Variants in ADGRV1 observed in about 807,000 individuals in gnomAD.
ADGRV1 encodes G-protein coupled receptor 98.
A neutral mutation model predicts 596.2 loss-of-function variants in ADGRV1; 359 were observed. The ratio of observed to expected loss-of-function variants is 0.60; its 90% confidence interval spans 0.55 to 0.66. ADGRV1 has a LOEUF of 0.66. ADGRV1 is among the 30% of genes least tolerant of loss of function. The pLI, the probability that ADGRV1 is intolerant of heterozygous loss-of-function variation, is 0.00. For synonymous variants in ADGRV1, 2,681 were observed against 2,679.2 expected, an observed-to-expected ratio of 1.00 and a Z score of -0.02; for missense variants, 7,274 against 7,575.6, an observed-to-expected ratio of 0.96 and a Z score of 1.48.
chr5:90,706,177 A>G (rs950801832), intron 37 of ADGRV1, 54 bp from the exon 38 acceptor site: 61 of 1,510,722 alleles, frequency 4.0e-5, no homozygotes, highest in Middle Eastern at 3.5e-4. Context: ...ACAAGGGGAT[A>G]TTATTGTAAA....
chr5:90,694,180 A>C lies in ADGRV1; in HGVS notation c.7424A>C (p.Asn2475Thr). The change falls in exon 33 of 90, where the codon AAC (asparagine) becomes ACC (threonine). Residue 2475 changes from asparagine to threonine, a missense_variant. Physicochemically the swap from Asn to Thr is moderately conservative, Grantham distance 65 (BLOSUM62 0). Transcript: ENST00000405460. The part of the protein sequence containing the change: ...WMTSWISPAV[N>T]NSDFWTYRKN... ...ACATCATGGATCAGCCCAGCTGTCA[A>C]CAATTCAGACTTCTGGACCTACAGG... 3 of 1,613,870 alleles carry C rather than the reference A, an allele frequency of 1.9e-6. No individual in the cohort carries two copies. Among genetic ancestry groups the C allele is most frequent in the South Asian group, 2.2e-5 (2 of 91,080 alleles).
At chr5:90,839,416 G>T (rs141624556) in intron 77 of ADGRV1, among the ~76,000 whole-genome samples, 1 of 151,862 alleles carries the variant, frequency 6.6e-6, no homozygotes, top group East Asian at 1.9e-4. Context: ...GGGTTTCACC[G>T]TGTTAGCCAG....
intron 1 of ADGRV1, among the ~76,000 whole-genome samples, chr5:90,594,537 G>GATTTGGCA (rs373321767): frequency 0.058 from 8,118 of 139,734 alleles, 329 homozygotes; most frequent in South Asian, 0.11. Flanking sequence ...CACAGAGGGG[G>GATTTGGCA]ATTTGGCAGG....
chr5:91,146,865 A>G (rs1795573561), intron 87 of ADGRV1, among the ~76,000 whole-genome samples: 1 of 152,250 alleles, frequency 6.6e-6, no homozygotes, highest in African/African-American at 2.4e-5. Flanking sequence ...AGTTTTTACC[A>G]AGAAAAGAAT....
Position 90,928,939 on chromosome 5 carries a change from T to C in ADGRV1, c.17857-36476T>C, listed in dbSNP as rs1252213701. On this transcript the variant is annotated intron_variant, in intron 83 of 89. Transcript: ENST00000405460. Reference sequence around the variant, plus strand: ...GCTGGGGGGTGCCTCCCAGTTAGGCTGCTCGGGGGTCAGGGGTCAGGGACC... The same window carrying C: ...GCTGGGGGGTGCCTCCCAGTTAGGCCGCTCGGGGGTCAGGGGTCAGGGACC... Among the ~76,000 whole-genome samples the C allele has an allele frequency of 2.0e-5, 3 of 146,604 alleles. No individual in the cohort carries two copies. The East Asian group carries it at 5.9e-4, about 29-fold the overall frequency.
chr5:90,831,363 C>A (rs1017826917), intron 77 of ADGRV1, among the ~76,000 whole-genome samples: 1 of 151,528 alleles, frequency 6.6e-6, no homozygotes, highest in African/African-American at 2.4e-5. Context: ...TCCTACCCTG[C>A]GATTATAGGC....
At chr5:91,070,100 G>T (rs564699781) in intron 85 of ADGRV1, among the ~76,000 whole-genome samples, 3 of 152,130 alleles carry the variant, frequency 2.0e-5, no homozygotes, top group Non-Finnish European at 4.4e-5. Flanking sequence ...ACTGGAAACT[G>T]ATAGATGGGA....
At position 90,627,494 on chromosome 5, in the gene ADGRV1, A is replaced by G; in HGVS notation, c.956A>G (p.Asn319Ser). The G allele has an allele frequency of 2.5e-6, 4 of 1,613,948 alleles. No homozygotes were observed. In the African/African-American group the frequency reaches 5.3e-5, roughly 22 times the overall value. Residue 319 changes from asparagine (N) to serine (S), a missense_variant, in exon 7 of 90, where the codon AAT becomes AGT. Transcript: ENST00000405460. ...TGNSTAHAQQ[N>S]LDFIDLQPNT... is the part of the protein sequence containing the mutation. ...AATTCCACAGCACATGCCCAGCAAA[A>G]TCTGGACTTCATTGATCTTCAGCCA...
At chr5:90,969,930 G>A (rs571973834) in intron 84 of ADGRV1, among the ~76,000 whole-genome samples, 7 of 152,338 alleles carry the variant, frequency 4.6e-5, no homozygotes, top group South Asian at 2.1e-4. Flanking sequence ...GCGAGGCATC[G>A]CCTCACCAGG....
Position 91,013,651 on chromosome 5 carries a change from A to G in ADGRV1, c.18152+28129A>G, listed in dbSNP as rs548981758. ...AATTTGAATTTTTTTCTCCCATTCT[A>G]TAGGTTGTCTGTTTTCTCTGTTGAT... On this transcript the variant is annotated intron_variant, in intron 85 of 89. Transcript: ENST00000405460. 8.2e-4 allele frequency among the ~76,000 whole-genome samples: 125 copies of G among 151,890 alleles called. 1 individual carries two copies. Among genetic ancestry groups the G allele is most frequent in the African/African-American group, 2.8e-3 (116 of 41,450 alleles).
chr5:90,669,473 TA>T (rs1236875201), intron 21 of ADGRV1, among the ~76,000 whole-genome samples: 7 of 151,912 alleles, frequency 4.6e-5, no homozygotes, highest in Middle Eastern at 3.4e-3. Context: ...CGTTGACACT[TA>T]AAAAAAATAG....
chr5:91,129,616 G>T (rs1259634787), intron 87 of ADGRV1, among the ~76,000 whole-genome samples: 1 of 152,116 alleles, frequency 6.6e-6, no homozygotes, highest in Non-Finnish European at 1.5e-5. Context: ...TGAAGAAATG[G>T]ATTAGTTGTC....
intron 30 of ADGRV1, among the ~76,000 whole-genome samples, chr5:90,690,328 A>G (rs1040933133): frequency 6.6e-6 from 1 of 152,288 alleles, no homozygotes; most frequent in South Asian, 2.1e-4. Flanking sequence ...CCTGGCTCCT[A>G]TATGTGTTTT....
In ADGRV1 at chr5:90,643,871, C is replaced by A. The variant is rs2149433330; in HGVS notation, c.2622C>A (p.Thr874=). 2 of 1,611,522 alleles carry A rather than the reference C, an allele frequency of 1.2e-6. No individual in the cohort carries two copies. The highest frequency in any genetic ancestry group is 1.1e-5 in the South Asian group (1 of 90,644). Reference sequence around the variant, plus strand: ...GGGAAAGCAAGTTGGGAAGTGCCACCATTGTCAATATAACGATTCTGAAAA... The same window carrying A: ...GGGAAAGCAAGTTGGGAAGTGCCACAATTGTCAATATAACGATTCTGAAAA... ...GERESKLGSA[T]IVNITILKND... The change falls in exon 14 of 90, where the codon ACC becomes ACA. Residue 874 remains threonine (T), a synonymous_variant. Coordinates refer to ENST00000405460, the MANE Select transcript of ADGRV1 (RefSeq NM_032119.4).
intron 83 of ADGRV1, among the ~76,000 whole-genome samples, chr5:90,896,831 A>C (rs1771368234): frequency 6.6e-6 from 1 of 152,224 alleles, no homozygotes; most frequent in Non-Finnish European, 1.5e-5. Flanking sequence ...ATGTAGCCTT[A>C]TCATGAACTC....
intron 84 of ADGRV1, among the ~76,000 whole-genome samples, chr5:90,971,396 T>G (rs1778972049): frequency 6.6e-6 from 1 of 151,726 alleles, no homozygotes; most frequent in Non-Finnish European, 1.5e-5. Context: ...GACACATAAT[T>G]GTCAGATTCA....
intron 85 of ADGRV1, among the ~76,000 whole-genome samples, chr5:91,054,094 TGTGTGTGTGA>T (rs1170421401): frequency 7.8e-6 from 1 of 128,634 alleles, no homozygotes; most frequent in African/African-American, 3.3e-5. Context: ...TGTGTGTGTG[TGTGTGTGTGA>T]GAGAGAGAGA....
intron 1 of ADGRV1, among the ~76,000 whole-genome samples, chr5:90,600,904 C>T (rs189252259): frequency 6.6e-6 from 1 of 152,186 alleles, no homozygotes; most frequent in African/African-American, 2.4e-5. Flanking sequence ...AAAAAAGATG[C>T]ATTAAAAAAA....
intron 85 of ADGRV1, 122 bp from the exon 86 acceptor site, chr5:91,072,325 A>T: frequency 1.1e-6 from 1 of 889,810 alleles, no homozygotes; most frequent in East Asian, 2.5e-5. Flanking sequence ...GCAAACCAAA[A>T]ATCTGATGTT....
Sources: allele counts gnomAD v4.1 joint callset (sites outside exome capture counted in the v4.1 genomes callset), GRCh38; gene constraint gnomAD v4.1.1; transcripts MANE v1.5; gene names NCBI Gene and HGNC (gene_info 2026-07-23, HGNC 2026-07-21).